MILR1: variants seen among roughly 807,000 people sequenced by gnomAD.
MILR1 encodes the protein allergin-1.
MILR1 carries 31 observed loss-of-function variants against 18.5 expected under a neutral mutation model. The ratio of observed to expected loss-of-function variants is 1.68; its 90% CI spans 1.26 to 2.26. The LOEUF (loss-of-function observed/expected upper bound fraction) is 2.26, where lower values mean the gene tolerates loss of function less well. Ranked by LOEUF, MILR1 falls within the 30% of genes most tolerant of loss-of-function variation. MILR1 has a pLI of 0.00. For missense variants in MILR1, 257 were observed against 157.4 expected (o/e 1.63, Z -3.38); for synonymous variants, 85 against 56.2 (o/e 1.51, Z -2.30).
At chr17:64,459,792 T>C (rs1200779009) in intron 4 of MILR1, among the ~76,000 whole-genome samples, 2 of 152,250 alleles carry the variant, frequency 1.3e-5, no homozygotes, top group Admixed American at 6.5e-5. Context: ...TGGCAGTTGT[T>C]TGGATGACAC....
rs1464898131 is a variant in MILR1, at chr17:64,467,547, T to C, written c.980-18T>C. 1.4e-6 allele frequency: 2 copies of C among 1,435,506 alleles called. No individual in the cohort carries two copies. The highest frequency in any genetic ancestry group is 1.9e-6 in the Non-Finnish European group (2 of 1,043,664). 88.9% of individuals were successfully genotyped at this position (1,435,506 alleles called of 1,614,324 possible). A position where few individuals can be genotyped will look rare whatever the true frequency, so the allele number is the denominator to read the frequency against. On this transcript the variant is annotated intron_variant, in intron 8 of 9. Transcript: ENST00000619286. ...GGTCACATATCCTAAGTAAATTATT[T>C]TCCCTTTTATATTTCAGAAGCCTGT... is the stretch of plus-strand genomic sequence containing the variant.
the MILR1 span, among the ~76,000 whole-genome samples, chr17:64,484,961 C>T: frequency 3.2e-4 from 48 of 152,176 alleles, no homozygotes; most frequent in Admixed American, 1.7e-3. Context: ...TAAACCCCCA[C>T]TCTTCCACAT....
the MILR1 span, among the ~76,000 whole-genome samples, chr17:64,475,685 C>T: frequency 3.3e-5 from 5 of 150,710 alleles, no homozygotes; most frequent in Non-Finnish European, 7.4e-5. Context: ...AGTACTCTAG[C>T]CAACAAAGAA....
chr17:64,496,849 T>C, the MILR1 span: 1 of 1,613,826 alleles, frequency 6.2e-7, no homozygotes, highest in Non-Finnish European at 8.5e-7. Flanking sequence ...CATGCCCTCC[T>C]TTGGGGCTAC....
At chr17:64,489,028 CTTT>C in the MILR1 span, among the ~76,000 whole-genome samples, 3 of 136,474 alleles carry the variant, frequency 2.2e-5, no homozygotes, top group Non-Finnish European at 1.6e-5. Context: ...TTTTCTTTTT[CTTT>C]TTTTTTTTTT....
the MILR1 span, chr17:64,496,908 A>G: frequency 2.5e-6 from 4 of 1,612,062 alleles, no homozygotes. Context: ...CGACCCCCAA[A>G]CCCAGACAAC....
intron 5 of MILR1, 146 bp downstream of exon 5, chr17:64,461,078 G>T (rs2037421480): frequency 2.8e-6 from 1 of 361,070 alleles, no homozygotes; most frequent in Non-Finnish European, 5.0e-6. Context: ...AGAAAGGGGG[G>T]CGGGAATGGA....
chr17:64,496,283 A>T, the MILR1 span: 1 of 677,500 alleles, frequency 1.5e-6, no homozygotes, highest in African/African-American at 1.8e-5. Flanking sequence ...TACTTCAAAA[A>T]GATGAGAACT....
At chr17:64,487,830 C>T in the MILR1 span, among the ~76,000 whole-genome samples, 1 of 151,878 alleles carries the variant, frequency 6.6e-6, no homozygotes, top group Admixed American at 6.6e-5. Context: ...GGCAAGATCC[C>T]ATCCCTATTT....
intron 3 of MILR1, among the ~76,000 whole-genome samples, chr17:64,454,988 G>A (rs2144020758): frequency 6.6e-6 from 1 of 152,098 alleles, no homozygotes; most frequent in African/African-American, 2.4e-5. Flanking sequence ...GTGACAGAGA[G>A]AGACCCTGTC....
In MILR1 at chr17:64,466,492, C is replaced by T; in HGVS notation, c.904C>T (p.Gln302Ter). 1 of 1,613,752 alleles carries T rather than the reference C, an allele frequency of 6.2e-7. No homozygotes were observed. Among genetic ancestry groups the T allele is most frequent in the Non-Finnish European group, 8.5e-7 (1 of 1,179,770 alleles). The change falls in exon 7 of 10, where the codon CAA becomes TAA. Residue 302 changes from glutamine to a stop codon, truncating the protein, a stop_gained. Coordinates refer to ENST00000619286, the MANE Select transcript of MILR1 (RefSeq NM_001085423.2). LOFTEE classifies it high-confidence loss of function. ...VGSRPCVSTA[Q>*]DEAKHSQELQ... ...ATCCAGGCCGTGTGTTTCCACAGCC[C>T]AAGATGGTGAGCATGTTCTGCAGAG... is the stretch of plus-strand genomic sequence containing the variant.
the MILR1 span, chr17:64,497,142 C>A: frequency 1.4e-6 from 1 of 694,538 alleles, no homozygotes; most frequent in Non-Finnish European, 2.6e-6. Context: ...CCGCAGCCGT[C>A]CCCCGCCCAC....
chr17:64,454,575 T>C (rs1432296998), intron 3 of MILR1, among the ~76,000 whole-genome samples: 2 of 152,240 alleles, frequency 1.3e-5, no homozygotes, highest in Non-Finnish European at 2.9e-5. Context: ...CTTAGCTTTT[T>C]AGGTTATAAC....
chr17:64,488,890 C>T, the MILR1 span, among the ~76,000 whole-genome samples: 6 of 152,022 alleles, frequency 3.9e-5, no homozygotes, highest in African/African-American at 1.2e-4. Context: ...ACTGCTTGAA[C>T]CTGGGAATCG....
At chr17:64,472,049 A>G (rs988668572), downstream of MILR1, among the ~76,000 whole-genome samples, 6 of 152,244 alleles carry the variant, frequency 3.9e-5, no homozygotes, top group African/African-American at 7.2e-5. Context: ...TTTAAAAATA[A>G]TCTTGAAGTG....
At chr17:64,485,157 T>A in the MILR1 span, 1 of 153,864 alleles carries the variant, frequency 6.5e-6, no homozygotes, top group Admixed American at 6.5e-5. Flanking sequence ...TCCTGACCCC[T>A]CCGGTTTCCT....
the MILR1 span, chr17:64,477,796 G>T: frequency 1.3e-6 from 2 of 1,536,414 alleles, no homozygotes; most frequent in Non-Finnish European, 1.7e-6. Flanking sequence ...TAGGAGAGAA[G>T]AATATTTATT....
chr17:64,482,850 C>A, the MILR1 span: 1 of 910,272 alleles, frequency 1.1e-6, no homozygotes, highest in Admixed American at 1.7e-5. Context: ...CAAAATGGTC[C>A]TGGTCCAAAG....
intron 8 of MILR1, 72 bp from the exon 9 acceptor site, chr17:64,467,493 G>T: frequency 1.1e-6 from 1 of 924,156 alleles, no homozygotes; most frequent in Non-Finnish European, 1.7e-6. Context: ...CCAGCTACTA[G>T]AAATAGGATT....
Sources: gnomAD v4.1 joint callset for allele counts (sites outside exome capture counted in the v4.1 genomes callset) on GRCh38, gnomAD v4.1.1 for gene constraint, MANE v1.5 for transcripts, NCBI Gene and HGNC (gene_info 2026-07-23, HGNC 2026-07-21) for gene names.